Variants in SRRM4 observed in about 807,000 individuals in gnomAD.
SRRM4 encodes the protein serine/arginine repetitive matrix 4.
Under a neutral mutation model 68.9 loss-of-function variants are expected in SRRM4, and 33 were observed. The observed-to-expected ratio is 0.48, with a 90% CI of 0.36 to 0.64. SRRM4 has a LOEUF of 0.64. Among genes scored for constraint, SRRM4 ranks in the 30% least tolerant of loss-of-function variants. The pLI, the probability that SRRM4 is intolerant of heterozygous loss-of-function variation, is 0.00. For missense variants in SRRM4, 817 were observed against 827.1 expected, an observed-to-expected ratio of 0.99 and a Z score of 0.15; for synonymous variants, 318 against 318.8, an observed-to-expected ratio of 1.00 and a Z score of 0.03.
At chr12:119,121,324 C>G (rs1446013632) in intron 5 of SRRM4, among the ~76,000 whole-genome samples, 1 of 152,184 alleles carries the variant, frequency 6.6e-6, no homozygotes, top group African/African-American at 2.4e-5. Flanking sequence ...TGCAACCAGT[C>G]TAGCTTAAAC....
intron 4 of SRRM4, among the ~76,000 whole-genome samples, chr12:119,119,446 G>C (rs879422821): frequency 6.6e-6 from 1 of 151,468 alleles, no homozygotes; most frequent in Non-Finnish European, 1.5e-5. Context: ...CTCACCCAGA[G>C]CTTGGGGGAG....
In SRRM4 at chr12:119,156,546, C is replaced by T. The variant is rs1954472428; in HGVS notation, c.1584C>T (p.Gly528=). 2 of 1,611,214 alleles carry T rather than the reference C, an allele frequency of 1.2e-6. No individual in the cohort carries two copies. The highest frequency in any genetic ancestry group is 1.7e-6 in the Non-Finnish European group (2 of 1,179,402). The stretch of plus-strand genomic sequence containing the variant: ...ATCGGCCCAGCCCCTCCTCATCCGG[C>T]AGCCTCAGCAGCACCTCCTCCTGGT... The part of the protein sequence containing the change: ...PYYRPSPSSS[G]SLSSTSSWYS... The change falls in exon 13 of 13, where the codon GGC becomes GGT. Residue 528 remains glycine, a synonymous_variant. Coordinates refer to ENST00000267260, the MANE Select transcript of SRRM4 (RefSeq NM_194286.4).
chr12:119,114,875 A>G (rs1313881744), intron 3 of SRRM4, among the ~76,000 whole-genome samples: 1 of 151,954 alleles, frequency 6.6e-6, no homozygotes, highest in African/African-American at 2.4e-5. Flanking sequence ...TGTGTTAGCC[A>G]GGATGGTCTC....
intron 2 of SRRM4, among the ~76,000 whole-genome samples, chr12:119,109,706 G>C (rs1954130693): frequency 6.6e-6 from 1 of 152,114 alleles, no homozygotes; most frequent in African/African-American, 2.4e-5. Context: ...GTTTATTCTA[G>C]TTAGCCATTC....
At chr12:119,006,032 T>C (rs1453673464) in intron 1 of SRRM4, among the ~76,000 whole-genome samples, 2 of 152,192 alleles carry the variant, frequency 1.3e-5, no homozygotes, top group Non-Finnish European at 2.9e-5. Flanking sequence ...GATAATGGAT[T>C]TGAATGAGAT....
chr12:119,130,686 G>A lies in SRRM4; in HGVS notation c.623G>A (p.Gly208Asp). Residue 208 changes from glycine (G) to aspartate (D), a missense_variant, in exon 8 of 13, where the codon GGC becomes GAC. Gly to Asp is a moderately conservative substitution (Grantham distance 94). Transcript: ENST00000267260. The part of the protein sequence containing the change: ...RPSSCESRHR[G>D]RSPEEGQKSR... ...CTCTCCCCCATCCCCAGGCACCGCG[G>A]CCGGTCCCCTGAGGAAGGGCAGAAG... is the stretch of plus-strand genomic sequence containing the variant. 6.2e-7 allele frequency: 1 copy of A among 1,610,514 alleles called. No individual in the cohort carries two copies. The highest frequency in any genetic ancestry group is 8.5e-7 in the Non-Finnish European group (1 of 1,179,264).
chr12:119,057,516 G>C (rs778879471), intron 1 of SRRM4, among the ~76,000 whole-genome samples: 1 of 152,160 alleles, frequency 6.6e-6, no homozygotes, highest in Admixed American at 6.5e-5. Context: ...CCCTGCAAAG[G>C]ACATTATCTT....
chr12:119,012,496 C>T (rs1525949), intron 1 of SRRM4, among the ~76,000 whole-genome samples: 113,807 of 152,104 alleles, frequency 0.75, 43,206 homozygotes, highest in Middle Eastern at 0.89. Flanking sequence ...CACTTTGGAA[C>T]TGTAGGGCAA....
chr12:119,029,836 C>A (rs1953575883), intron 1 of SRRM4, among the ~76,000 whole-genome samples: 1 of 152,138 alleles, frequency 6.6e-6, no homozygotes, highest in African/African-American at 2.4e-5. Context: ...GCAGACATGG[C>A]AGGGTCAGAG....
At chr12:119,096,972 C>T (rs866665601) in intron 1 of SRRM4, among the ~76,000 whole-genome samples, 3 of 152,164 alleles carry the variant, frequency 2.0e-5, no homozygotes, top group Admixed American at 6.5e-5. Context: ...GAGACAGCAT[C>T]TAAGCTCCAG....
At chr12:119,128,536 CAAT>C (rs1251482103) in intron 7 of SRRM4, among the ~76,000 whole-genome samples, 1 of 152,128 alleles carries the variant, frequency 6.6e-6, no homozygotes, top group Non-Finnish European at 1.5e-5. Context: ...GGAGTGACAA[CAAT>C]GTTTGTTCAA....
intron 2 of SRRM4, 100 bp from the exon 3 acceptor site, chr12:119,114,178 G>A (rs1775875967): frequency 1.3e-5 from 12 of 957,636 alleles, no homozygotes; most frequent in South Asian, 2.9e-5. Flanking sequence ...ATAGGTCCTT[G>A]ATCATCCAAG....
chr12:119,157,153 C>A lies in SRRM4; in HGVS notation c.*355C>A. 4.1e-6 allele frequency: 1 copy of A among 243,818 alleles called. No individual in the cohort carries two copies. Among genetic ancestry groups the A allele is most frequent in the Non-Finnish European group, 7.8e-6 (1 of 127,844 alleles). 15.1% of individuals were successfully genotyped at this position (243,818 alleles called of 1,614,324 possible). A position where few individuals can be genotyped will look rare whatever the true frequency, so the allele number is the denominator to read the frequency against. On this transcript the variant is annotated 3_prime_UTR_variant, in exon 13 of 13. Coordinates refer to ENST00000267260, the MANE Select transcript of SRRM4 (RefSeq NM_194286.4). This position sits in a 1 kb window ranked among gnomAD's most constrained non-coding sequence, Gnocchi z 4.1. ...CCAGGAAAATGTGGAGACAGTTCTT[C>A]TCCTCCACTGCTCACAGGAGGCCCG...
chr12:119,158,689 C>T lies in SRRM4; in HGVS notation c.*1891C>T, dbSNP rs1954489414. On this transcript the variant is annotated 3_prime_UTR_variant, in exon 13 of 13. Coordinates refer to ENST00000267260, the MANE Select transcript of SRRM4 (RefSeq NM_194286.4). ...GCAAGTACAGCCACTGTAAATAACC[C>T]TCGTCCCTGCCCAGGAACCCAGACT... is the stretch of plus-strand genomic sequence containing the variant. 2 of 152,502 alleles carry T rather than the reference C, an allele frequency of 1.3e-5. No homozygotes were observed. Among genetic ancestry groups the T allele is most frequent in the Non-Finnish European group, 2.9e-5 (2 of 68,066 alleles). The allele number at this position is 152,502 out of a possible 1,614,324, so 9.4% of individuals were successfully genotyped here. A position where few individuals can be genotyped will look rare whatever the true frequency, so the allele number is the denominator to read the frequency against.
intron 1 of SRRM4, among the ~76,000 whole-genome samples, chr12:119,078,916 C>T (rs747128818): frequency 5.9e-5 from 9 of 152,044 alleles, no homozygotes; most frequent in African/African-American, 2.4e-5. Context: ...GGCAACAGAG[C>T]AAGACTTGTA....
chr12:119,039,921 C>T (rs1283795710), intron 1 of SRRM4, among the ~76,000 whole-genome samples: 1 of 152,172 alleles, frequency 6.6e-6, no homozygotes, highest in Non-Finnish European at 1.5e-5. Context: ...AGCACACGCA[C>T]TGCCCCACAC....
chr12:119,130,055 G>A (rs987627778), intron 7 of SRRM4, among the ~76,000 whole-genome samples: 6 of 151,238 alleles, frequency 4.0e-5, no homozygotes, highest in African/African-American at 1.2e-4. Flanking sequence ...TTAGTTGGAT[G>A]GATAAACGGA....
intron 1 of SRRM4, among the ~76,000 whole-genome samples, chr12:119,023,805 C>T (rs1229833469): frequency 6.6e-6 from 1 of 152,154 alleles, no homozygotes; most frequent in African/African-American, 2.4e-5. Context: ...CTTTCTTTGT[C>T]TTCATTGTTT....
Position 119,159,498 on chromosome 12 carries a change from AT to A in SRRM4, c.*2704del, listed in dbSNP as rs1364418239. On this transcript the variant is annotated 3_prime_UTR_variant, in exon 13 of 13. Coordinates refer to ENST00000267260, the MANE Select transcript of SRRM4 (RefSeq NM_194286.4). The stretch of plus-strand genomic sequence containing the variant: ...GTACTTGCTGAAGTAGTTGCCTTGT[AT>A]TTTGAGGGCCATGGTGGATGAAAAT... 1 of 152,162 alleles carries A rather than the reference AT, an allele frequency of 6.6e-6. No homozygotes were observed. Among genetic ancestry groups the A allele is most frequent in the East Asian group, 1.9e-4 (1 of 5,176 alleles). The allele number at this position is 152,162 out of a possible 1,614,324, so 9.4% of individuals were successfully genotyped here. A position where few individuals can be genotyped will look rare whatever the true frequency, so the allele number is the denominator to read the frequency against.
Sources: gnomAD v4.1 joint callset for allele counts (sites outside exome capture counted in the v4.1 genomes callset) on GRCh38, gnomAD v4.1.1 for gene constraint, Gnocchi (gnomAD v3.1) non-coding constraint, MANE v1.5 for transcripts, NCBI Gene and HGNC (gene_info 2026-07-23, HGNC 2026-07-21) for gene names.